The following PKP2 variants were observed in gnomAD, a reference collection of about 807,000 sequenced individuals.
PKP2 encodes plakophilin-2.
A neutral mutation model predicts 83.4 loss-of-function variants in PKP2; 73 were observed. The ratio of observed to expected loss-of-function variants is 0.88; its 90% CI spans 0.72 to 1.06. PKP2 has a LOEUF of 1.06. Ranked by LOEUF, PKP2 falls within the 50% of genes least tolerant of loss-of-function variation. PKP2 has a pLI of 0.00. For synonymous variants in PKP2, 409 were observed against 430.4 expected (o/e 0.95, Z 0.62); for missense variants, 966 against 1,065.4 (o/e 0.91, Z 1.30).
intron 9 of PKP2, among the ~76,000 whole-genome samples, chr12:32,811,076 T>C (rs1013711340): frequency 2.6e-5 from 4 of 152,046 alleles, no homozygotes; most frequent in African/African-American, 7.3e-5. Flanking sequence ...TCCAATTGAG[T>C]CTCCCTGCAG....
Position 32,892,826 on chromosome 12 carries a change from G to GA in PKP2, c.223+3682_223+3683insT, listed in dbSNP as rs1555149560. 5.4e-5 allele frequency among the ~76,000 whole-genome samples: 7 copies of GA among 128,558 alleles called. 1 individual carries two copies. Among genetic ancestry groups the GA allele is most frequent in the Admixed American group, 1.5e-4 (2 of 13,110 alleles). The allele number at this position is 128,558 out of a possible 152,430, so 84.3% of individuals were successfully genotyped here. On this transcript the variant is annotated intron_variant, in intron 1 of 12. Transcript: ENST00000340811. ...GATACCTGGGGTGGGGGCGGGGGGG[G>GA]GGGGAGAACTGTGTAGCAAGTAGTA...
chr12:32,804,016 T>TA (rs988461646), intron 9 of PKP2, among the ~76,000 whole-genome samples: 2 of 151,462 alleles, frequency 1.3e-5, no homozygotes, highest in Admixed American at 1.3e-4. Context: ...TTAATACAGT[T>TA]AAAAAAAATA....
At chr12:32,855,572 C>G (rs544469541) in intron 4 of PKP2, among the ~76,000 whole-genome samples, 2 of 151,886 alleles carry the variant, frequency 1.3e-5, no homozygotes, top group Admixed American at 6.6e-5. Context: ...GTCAGGAGTT[C>G]GAGACCAGCC....
intron 9 of PKP2, chr12:32,820,664 A>G (rs1956366964): frequency 6.6e-6 from 1 of 152,662 alleles, no homozygotes; most frequent in Admixed American, 6.5e-5. Flanking sequence ...CTCCTTTACC[A>G]TTTCAGCCCA....
chr12:32,798,084 G>T (rs1450810010), intron 10 of PKP2, among the ~76,000 whole-genome samples: 56 of 124,108 alleles, frequency 4.5e-4, no homozygotes, highest in East Asian at 1.2e-3. Context: ...TACTACTCTT[G>T]TTTTTTTTTT....
chr12:32,834,857 A>G (rs909741498), intron 6 of PKP2, among the ~76,000 whole-genome samples: 1 of 151,866 alleles, frequency 6.6e-6, no homozygotes, highest in Non-Finnish European at 1.5e-5. Context: ...GGGTTTTCCA[A>G]TCAGTGATGT....
chr12:32,877,839 G>T lies in PKP2; in HGVS notation c.1034+7C>A. The T allele has an allele frequency of 6.3e-7, 1 of 1,598,676 alleles. No homozygotes were observed. Among genetic ancestry groups the T allele is most frequent in the Non-Finnish European group, 8.6e-7 (1 of 1,166,112 alleles). On this transcript the variant is annotated splice_region_variant and intron_variant, in intron 3 of 12. Transcript: ENST00000340811. ...TGACTGAACTGCAGAGTCAGGAGGG[G>T]ACTTACCCCAGCTGGGAGTCAGTGA...
At chr12:32,821,714 G>T in intron 8 of PKP2, 185 bp from the exon 9 acceptor site, 1 of 597,602 alleles carries the variant, frequency 1.7e-6, no homozygotes, top group Non-Finnish European at 2.9e-6. Flanking sequence ...AGCCCATAAT[G>T]ATTATTTCTT....
At position 32,878,017 on chromosome 12, in the gene PKP2, G is replaced by T; in HGVS notation, c.863C>A (p.Ser288Tyr). ...QPVTQNRASR[S>Y]SWHQSSFHST... ...GTGGAAGGAGCTCTGATGCCAGGAGGACCTGGAAGCCCTGTTCTGAGTGAC... is the reference window on the plus strand; with the variant it reads ...GTGGAAGGAGCTCTGATGCCAGGAGTACCTGGAAGCCCTGTTCTGAGTGAC... Residue 288 changes from serine to tyrosine, a missense_variant, in exon 3 of 13, where the codon TCC becomes TAC. Ser to Tyr is a moderately radical substitution (Grantham distance 144). Transcript: ENST00000340811. 1 of 1,613,948 alleles carries T rather than the reference G, an allele frequency of 6.2e-7. No homozygotes were observed. Among genetic ancestry groups the T allele is most frequent in the Non-Finnish European group, 8.5e-7 (1 of 1,180,036 alleles).
In PKP2 at chr12:32,850,771, A is replaced by G; in HGVS notation, c.1373T>C (p.Ile458Thr). ...QTRDLETKKQITGLLWNLSSN... is the reference protein window; with the variant it reads ...QTRDLETKKQTTGLLWNLSSN... The stretch of plus-strand genomic sequence containing the variant: ...CAATGTTCAGTAAGCACTACCTGTT[A>G]TTTGTTTTTTAGTCTCCAAGTCTCT... The change falls in exon 5 of 13, where the codon ATA becomes ACA. Residue 458 changes from isoleucine (I) to threonine (T), a missense_variant. Physicochemically the swap from Ile to Thr is moderately conservative, Grantham distance 89. Coordinates refer to ENST00000340811, the MANE Select transcript of PKP2 (RefSeq NM_001005242.3). 1 of 1,611,560 alleles carries G rather than the reference A, an allele frequency of 6.2e-7. No homozygotes were observed. Among genetic ancestry groups the G allele is most frequent in the African/African-American group, 1.3e-5 (1 of 74,938 alleles).
chr12:32,795,768 C>T (rs189950714), intron 11 of PKP2, among the ~76,000 whole-genome samples: 1 of 152,318 alleles, frequency 6.6e-6, no homozygotes, highest in East Asian at 1.9e-4. Context: ...CAGAGGACTC[C>T]TGCTTTGCCT....
At position 32,850,808 on chromosome 12, in the gene PKP2, G is replaced by A; in HGVS notation, c.1336C>T (p.Leu446=). 6 of 1,613,362 alleles carry A rather than the reference G, an allele frequency of 3.7e-6. No homozygotes were observed. The highest frequency in any genetic ancestry group is 5.1e-6 in the Non-Finnish European group (6 of 1,179,834). The stretch of plus-strand genomic sequence containing the variant: ...GTCTCCAAGTCTCTGGTTTGCTTCA[G>A]CACCTGGAGCAGCCGAGGTACCCCA... ...LNGVPRLLQV[L]KQTRDLETKK... The change falls in exon 5 of 13, where the codon CTG becomes TTG. Residue 446 remains leucine, a synonymous_variant. Coordinates refer to ENST00000340811, the MANE Select transcript of PKP2 (RefSeq NM_001005242.3).
At position 32,805,739 on chromosome 12, in the gene PKP2, T is replaced by C. The variant is rs1171583385; in HGVS notation, c.2014-3183A>G. On this transcript the variant is annotated intron_variant, in intron 9 of 12. Coordinates refer to ENST00000340811, the MANE Select transcript of PKP2 (RefSeq NM_001005242.3). Reference sequence around the variant, plus strand: ...TAACACAGTTTGAAGTCAGGTAGCATGATGCCTCTAGCTTTGATCTTTTTG... The same window carrying C: ...TAACACAGTTTGAAGTCAGGTAGCACGATGCCTCTAGCTTTGATCTTTTTG... 2.0e-5 allele frequency among the ~76,000 whole-genome samples: 3 copies of C among 152,252 alleles called. No individual in the cohort carries two copies. In the East Asian group the frequency reaches 5.8e-4, roughly 29 times the overall value.
intron 4 of PKP2, among the ~76,000 whole-genome samples, chr12:32,862,892 G>A (rs938081888): frequency 9.2e-5 from 14 of 152,134 alleles, no homozygotes; most frequent in African/African-American, 3.1e-4. Flanking sequence ...CCAGCTATTC[G>A]GGAGGTTGAG....
chr12:32,822,519 T>A lies in PKP2; in HGVS notation c.1787A>T (p.Asp596Val). 1 of 1,614,206 alleles carries A rather than the reference T, an allele frequency of 6.2e-7. No individual in the cohort carries two copies. Among genetic ancestry groups the A allele is most frequent in the Non-Finnish European group, 8.5e-7 (1 of 1,180,024 alleles). ...IYIQNRNIQT[D>V]NNKSIGCFGS... ...AAAACATCCAATACTTTTGTTGTTG[T>A]CAGTCTGGATATTCCGGTTTTGAAT... Residue 596 changes from aspartate to valine, a missense_variant, in exon 8 of 13, where the codon GAC becomes GTC. Coordinates refer to ENST00000340811, the MANE Select transcript of PKP2 (RefSeq NM_001005242.3).
chr12:32,796,240 G>C lies in PKP2; in HGVS notation c.2226C>G (p.Asp742Glu). The C allele has an allele frequency of 6.2e-7, 1 of 1,613,668 alleles. No homozygotes were observed. Among genetic ancestry groups the C allele is most frequent in the Non-Finnish European group, 8.5e-7 (1 of 1,179,776 alleles). The change falls in exon 11 of 13, where the codon GAC becomes GAG. Residue 742 changes from aspartate to glutamate, a missense_variant. Transcript: ENST00000340811. ...CAGAGGCTGTAGTTTCAATGAGAAG[G>C]TCAGTACTCGGGACTGTGTCAGGAA... ...SIIPDTVPST[D>E]LLIETTASAC...
chr12:32,828,455 C>A (rs1366648749), intron 6 of PKP2, among the ~76,000 whole-genome samples: 1 of 152,148 alleles, frequency 6.6e-6, no homozygotes, highest in Non-Finnish European at 1.5e-5. Context: ...TGGAAAAAAA[C>A]AGCTGCAATT....
At chr12:32,815,749 G>A (rs1956314671) in intron 9 of PKP2, among the ~76,000 whole-genome samples, 1 of 152,136 alleles carries the variant, frequency 6.6e-6, no homozygotes, top group South Asian at 2.1e-4. Flanking sequence ...ATGTTAATTT[G>A]TAAGAACAAT....
chr12:32,844,285 C>T lies in PKP2; in HGVS notation c.1379-3080G>A, dbSNP rs149147931. ...ATTCAGAATTACATATGCTCATACA[C>T]ACATACCCTCACACAAAATCAGTGA... is the stretch of plus-strand genomic sequence containing the variant. On this transcript the variant is annotated intron_variant, in intron 5 of 12. Transcript: ENST00000340811. Among the ~76,000 whole-genome samples the T allele has an allele frequency of 4.2e-3, 638 of 152,286 alleles. 8 individuals are homozygous for T. The highest frequency in any genetic ancestry group is 0.015 in the African/African-American group (603 of 41,554).
Sources: gnomAD v4.1 joint callset for allele counts (sites outside exome capture counted in the v4.1 genomes callset) on GRCh38, gnomAD v4.1.1 for gene constraint, MANE v1.5 for transcripts, NCBI Gene and HGNC (gene_info 2026-07-23, HGNC 2026-07-21) for gene names.